The following GNG7 variants were observed in gnomAD, a reference collection of about 807,000 sequenced individuals.
GNG7 encodes the protein guanine nucleotide-binding protein G(I)/G(S)/G(O) subunit gamma-7.
In GNG7, 1 loss-of-function variant was observed where a neutral mutation model predicts 4.0. That is an observed-to-expected ratio of 0.25 (90% CI 0.09 to 1.18). The LOEUF (loss-of-function observed/expected upper bound fraction) is 1.18. GNG7 is among the 50% of genes most tolerant of loss of function. The probability of loss-of-function intolerance (pLI) is 0.50; values close to 1 mark genes in which losing one functional copy is unlikely to be tolerated. For missense variants in GNG7, 86 were observed against 91.9 expected, an observed-to-expected ratio of 0.94 and a Z score of 0.26; for synonymous variants, 34 against 36.9, an observed-to-expected ratio of 0.92 and a Z score of 0.29.
chr19:2,580,232 C>G (rs1980462448), intron 2 of GNG7, among the ~76,000 whole-genome samples: 1 of 152,018 alleles, frequency 6.6e-6, no homozygotes, highest in Non-Finnish European at 1.5e-5. Flanking sequence ...CTTCATGCCT[C>G]TCTGTCTAAG....
intron 2 of GNG7, among the ~76,000 whole-genome samples, chr19:2,594,244 G>T (rs1980940567): frequency 6.6e-6 from 1 of 151,842 alleles, no homozygotes; most frequent in Non-Finnish European, 1.5e-5. Flanking sequence ...GTGGTGGTGG[G>T]CACCTGTAGT....
At chr19:2,579,281 A>T (rs941647877) in intron 2 of GNG7, among the ~76,000 whole-genome samples, 1 of 152,204 alleles carries the variant, frequency 6.6e-6, no homozygotes, top group African/African-American at 2.4e-5. Flanking sequence ...CCCAGAGTCC[A>T]GGCCACGCCC....
At chr19:2,606,021 AGAT>A (rs1463249674) in intron 2 of GNG7, among the ~76,000 whole-genome samples, 2 of 152,174 alleles carry the variant, frequency 1.3e-5, no homozygotes, top group Admixed American at 1.3e-4. Flanking sequence ...GGGCAAACAT[AGAT>A]GCTCACAGGA....
chr19:2,688,570 T>C (rs1403991214), intron 1 of GNG7, among the ~76,000 whole-genome samples: 2 of 152,038 alleles, frequency 1.3e-5, no homozygotes, highest in Non-Finnish European at 2.9e-5. Flanking sequence ...CAGAAGTAAG[T>C]CTGCACAATA....
chr19:2,598,677 AAAT>A (rs56068932), intron 2 of GNG7, among the ~76,000 whole-genome samples: 36,330 of 140,664 alleles, frequency 0.26, 4,758 homozygotes, highest in African/African-American at 0.31. Context: ...AAAAGTAATA[AAAT>A]AATAATAATA....
intron 1 of GNG7, among the ~76,000 whole-genome samples, chr19:2,690,493 C>T (rs1169604438): frequency 1.3e-5 from 2 of 152,226 alleles, no homozygotes; most frequent in Non-Finnish European, 2.9e-5. Flanking sequence ...TTACTGACTC[C>T]TGGACTGGAC....
At chr19:2,673,126 G>A (rs1040194957) in intron 1 of GNG7, among the ~76,000 whole-genome samples, 5 of 151,708 alleles carry the variant, frequency 3.3e-5, no homozygotes, top group African/African-American at 4.8e-5. Context: ...GCGTGGCAGC[G>A]GGCGCCTGTA....
intron 1 of GNG7, among the ~76,000 whole-genome samples, chr19:2,700,098 T>C (rs1259434083): frequency 6.6e-6 from 1 of 151,446 alleles, no homozygotes; most frequent in African/African-American, 2.4e-5. Context: ...ATAATAACAA[T>C]AATAATAAGA....
chr19:2,553,623 GCA>G (rs1377308745), intron 3 of GNG7, among the ~76,000 whole-genome samples: 1 of 91,988 alleles, frequency 1.1e-5, no homozygotes, highest in Non-Finnish European at 2.6e-5. Flanking sequence ...CTACATACAT[GCA>G]CACGTTACAT....
At chr19:2,558,017 G>C (rs1032675944) in intron 2 of GNG7, among the ~76,000 whole-genome samples, 3 of 151,768 alleles carry the variant, frequency 2.0e-5, no homozygotes, top group African/African-American at 7.3e-5. Flanking sequence ...AATTTTTTGT[G>C]TTTTTAGTAG....
At chr19:2,574,686 T>C (rs1035561024) in intron 2 of GNG7, among the ~76,000 whole-genome samples, 3 of 152,198 alleles carry the variant, frequency 2.0e-5, no homozygotes, top group Admixed American at 1.3e-4. Context: ...TGTGCACTTG[T>C]GTGTGCAAAC....
chr19:2,518,463 G>A (rs1215120729), intron 4 of GNG7, among the ~76,000 whole-genome samples: 1 of 152,206 alleles, frequency 6.6e-6, no homozygotes, highest in Non-Finnish European at 1.5e-5. Context: ...CAGACACCTC[G>A]TGGGAGGCAG....
At chr19:2,667,508 GTGAC>G (rs1299585631) in intron 1 of GNG7, among the ~76,000 whole-genome samples, 2 of 152,168 alleles carry the variant, frequency 1.3e-5, no homozygotes, top group Non-Finnish European at 2.9e-5. Context: ...GCCAGGTGCA[GTGAC>G]TGACACCTGT....
rs142500170 is a variant in GNG7 at position 2,673,568 on chromosome 19, C to T, written c.-134-27288G>A. Among the ~76,000 whole-genome samples, 445 of 151,840 alleles carry T rather than the reference C, an allele frequency of 2.9e-3. 3 individuals are homozygous for T. The highest frequency in any genetic ancestry group is 0.01 in the African/African-American group (418 of 41,426). The stretch of plus-strand genomic sequence containing the variant: ...ATTAGCCGTGCAGGGTGGCAGGCAC[C>T]TGAAATCCCAGCTACTTGGGAGGCT... On this transcript the variant is annotated intron_variant, in intron 1 of 4. Transcript: ENST00000382159.
At chr19:2,587,679 G>A (rs560996853) in intron 2 of GNG7, among the ~76,000 whole-genome samples, 11 of 152,188 alleles carry the variant, frequency 7.2e-5, no homozygotes, top group Non-Finnish European at 1.5e-4. Context: ...GCATCACACC[G>A]ACCGTGGAAG....
intron 2 of GNG7, among the ~76,000 whole-genome samples, chr19:2,619,807 T>C (rs1473483377): frequency 6.6e-6 from 1 of 151,672 alleles, no homozygotes; most frequent in Non-Finnish European, 1.5e-5. Context: ...AGGGCTTCTT[T>C]TGGGGGTGAT....
chr19:2,665,859 C>G (rs1180229253), intron 1 of GNG7, among the ~76,000 whole-genome samples: 2 of 152,102 alleles, frequency 1.3e-5, no homozygotes, highest in Non-Finnish European at 2.9e-5. Context: ...TTTTATTATT[C>G]TTTTTCAATT....
In GNG7 at chr19:2,609,002, C is replaced by A. The variant is rs891653734; in HGVS notation, c.-78+37222G>T. ...GTACAAACATCATGCCTACCTAGTT[C>A]TTGTACATTCTCTCTCTCTCTCTCT... On this transcript the variant is annotated intron_variant, in intron 2 of 4. Coordinates refer to ENST00000382159, the MANE Select transcript of GNG7 (RefSeq NM_052847.3). The surrounding 1 kb of genome is among the most constrained non-coding windows in gnomAD (Gnocchi z 4.4). Among the ~76,000 whole-genome samples the A allele has an allele frequency of 7.1e-6, 1 of 140,814 alleles. No homozygotes were observed. The highest frequency in any genetic ancestry group is 1.6e-5 in the Non-Finnish European group (1 of 63,848). 92.4% of individuals were successfully genotyped at this position (140,814 alleles called of 152,430 possible). A position where few individuals can be genotyped will look rare whatever the true frequency, so the allele number is the denominator to read the frequency against.
chr19:2,612,588 G>A (rs575241301), intron 2 of GNG7, among the ~76,000 whole-genome samples: 3 of 151,712 alleles, frequency 2.0e-5, no homozygotes, highest in Middle Eastern at 3.4e-3. Flanking sequence ...AAATCCAGTC[G>A]ACAAAAGATG....
Sources: allele counts gnomAD v4.1 joint callset (sites outside exome capture counted in the v4.1 genomes callset), GRCh38; gene constraint gnomAD v4.1.1; non-coding constraint Gnocchi (gnomAD v3.1); transcripts MANE v1.5; gene names NCBI Gene and HGNC (gene_info 2026-07-23, HGNC 2026-07-21).